TMEM255B: variants seen among roughly 807,000 people sequenced by gnomAD.
TMEM255B encodes the protein transmembrane protein 255B.
In TMEM255B, 35 loss-of-function variants were observed where a neutral mutation model predicts 34.5. The ratio of observed to expected loss-of-function variants is 1.01; its 90% CI spans 0.77 to 1.34. The LOEUF is 1.34. Among genes scored for constraint, TMEM255B ranks in the 40% most tolerant of loss-of-function variants. TMEM255B has a pLI of 0.00. For missense variants in TMEM255B, 432 were observed against 433.2 expected, an observed-to-expected ratio of 1.00 and a Z score of 0.02; for synonymous variants, 206 against 201.2, an observed-to-expected ratio of 1.02 and a Z score of -0.20.
Position 113,766,502 on chromosome 13 carries a change from C to T in TMEM255B, c.189+245C>T, listed in dbSNP as rs1385988892. The T allele has an allele frequency of 8.1e-6, 5 of 614,580 alleles. No individual in the cohort carries two copies. In the Admixed American group the frequency reaches 1.2e-4, roughly 14 times the overall value. The allele number at this position is 614,580 out of a possible 1,614,324, so 38.1% of individuals were successfully genotyped here. A position where few individuals can be genotyped will look rare whatever the true frequency, so the allele number is the denominator to read the frequency against. ...GGTCCAAGTTGATCTCAAAATAGGG[C>T]CAGGTGCCCTCCATTGTCTGGGTTG... On this transcript the variant is annotated intron_variant, in intron 2 of 8. Transcript: ENST00000375353.
chr13:113,800,764 C>T (rs1348183176), intron 5 of TMEM255B, 63 bp from the exon 6 acceptor site: 4 of 1,503,922 alleles, frequency 2.7e-6, no homozygotes, highest in Non-Finnish European at 3.6e-6. Flanking sequence ...CAGCCCTGCC[C>T]TTGGTGGGGT....
At chr13:113,766,450 T>C in intron 2 of TMEM255B, 193 bp downstream of exon 2, 1 of 816,780 alleles carries the variant, frequency 1.2e-6, no homozygotes, top group Non-Finnish European at 2.0e-6. Context: ...CAGTGGCAGG[T>C]CCAAGGCAGA....
intron 3 of TMEM255B, among the ~76,000 whole-genome samples, chr13:113,787,179 C>T (rs149941829): frequency 2.7e-4 from 41 of 152,346 alleles, no homozygotes; most frequent in Non-Finnish European, 5.6e-4. Flanking sequence ...GCTCCACAGT[C>T]AGCCACGTGC....
chr13:113,784,476 C>T (rs929735110), intron 3 of TMEM255B, among the ~76,000 whole-genome samples: 4 of 151,540 alleles, frequency 2.6e-5, no homozygotes, highest in Admixed American at 1.3e-4. Context: ...ATTGGCAAAG[C>T]GCCTCCCAGA....
At position 113,814,864 on chromosome 13, in the gene TMEM255B, G is replaced by T. The variant is rs1478551137; in HGVS notation, c.*2961G>T. On this transcript the variant is annotated 3_prime_UTR_variant, in exon 9 of 9. Transcript: ENST00000375353. ...GGTGGAGGGGATGGTGGGGCAGGGG[G>T]TGCTGGGGGGTTTGGGGGTGCTGTG... 1 of 147,610 alleles carries T rather than the reference G, an allele frequency of 6.8e-6. No individual in the cohort carries two copies. The highest frequency in any genetic ancestry group is 1.5e-5 in the Non-Finnish European group (1 of 66,876). 9.1% of individuals were successfully genotyped at this position (147,610 alleles called of 1,614,324 possible).
chr13:113,768,175 G>A (rs564545854), intron 2 of TMEM255B: 19 of 469,888 alleles, frequency 4.0e-5, no homozygotes, highest in South Asian at 2.5e-4. Context: ...AGTGCGACCG[G>A]CCCGGCGCAC....
At chr13:113,792,431 C>G (rs1273835315) in intron 3 of TMEM255B, among the ~76,000 whole-genome samples, 1 of 152,250 alleles carries the variant, frequency 6.6e-6, no homozygotes, top group Non-Finnish European at 1.5e-5. Flanking sequence ...CAGTGGGCCC[C>G]AGTCCCACCG....
chr13:113,809,928 G>T (rs1172728676), intron 8 of TMEM255B, among the ~76,000 whole-genome samples: 1 of 152,118 alleles, frequency 6.6e-6, no homozygotes, highest in Non-Finnish European at 1.5e-5. Flanking sequence ...TGAGTTTCGG[G>T]GGAAGAAAGA....
intron 3 of TMEM255B, among the ~76,000 whole-genome samples, chr13:113,787,011 C>T (rs1163808464): frequency 4.6e-5 from 7 of 152,170 alleles, no homozygotes; most frequent in African/African-American, 1.7e-4. Flanking sequence ...CAATGGGCCC[C>T]GTAAGGCACT....
chr13:113,766,336 C>CCCTG, intron 2 of TMEM255B, 79 bp downstream of exon 2: 2 of 1,594,578 alleles, frequency 1.3e-6, no homozygotes, highest in Non-Finnish European at 1.7e-6. Context: ...TCCACGCCAG[C>CCCTG]TCACAGGGCT....
At chr13:113,768,068 A>G in intron 2 of TMEM255B, 1 of 403,724 alleles carries the variant, frequency 2.5e-6, no homozygotes, top group Middle Eastern at 5.3e-4. Context: ...TTACATAAAG[A>G]AGTCCGGTTT....
At chr13:113,800,070 GTGTGTGTGTTTA>G (rs2051015636) in intron 5 of TMEM255B, 2 of 1,200,876 alleles carry the variant, frequency 1.7e-6, no homozygotes, top group Non-Finnish European at 2.1e-6. Flanking sequence ...CATCGTGTGT[GTGTGTGTGTTTA>G]TGTGTGTGTG....
intron 3 of TMEM255B, among the ~76,000 whole-genome samples, chr13:113,782,220 C>A (rs2050675087): frequency 6.6e-6 from 1 of 151,972 alleles, no homozygotes; most frequent in Non-Finnish European, 1.5e-5. Context: ...TATATAAAAC[C>A]TTTAAATAAG....
Position 113,811,886 on chromosome 13 carries a change from C to A in TMEM255B, c.964C>A (p.Pro322Thr), listed in dbSNP as rs747458917. 5 of 1,611,876 alleles carry A rather than the reference C, an allele frequency of 3.1e-6. No homozygotes were observed. Among genetic ancestry groups the A allele is most frequent in the Non-Finnish European group, 4.2e-6 (5 of 1,178,852 alleles). ...CTACTTTCCCCCGGGGGAGAAGCCACCCCCCTACGCACCCTGATAGAGGCG... is the reference window on the plus strand; with the variant it reads ...CTACTTTCCCCCGGGGGAGAAGCCAACCCCCTACGCACCCTGATAGAGGCG... The part of the protein sequence containing the change: ...PTYFPPGEKP[P>T]PYAP The change falls in exon 9 of 9, where the codon CCC (proline) becomes ACC (threonine). Residue 322 changes from proline (P) to threonine (T), a missense_variant. Pro to Thr is a conservative substitution (Grantham distance 38). Coordinates refer to ENST00000375353, the MANE Select transcript of TMEM255B (RefSeq NM_182614.4).
Position 113,812,073 on chromosome 13 carries a change from C to A in TMEM255B, c.*170C>A. 1 of 878,054 alleles carries A rather than the reference C, an allele frequency of 1.1e-6. No individual in the cohort carries two copies. The highest frequency in any genetic ancestry group is 1.7e-5 in the African/African-American group (1 of 58,156). The allele number at this position is 878,054 out of a possible 1,614,324, so 54.4% of individuals were successfully genotyped here. A position where few individuals can be genotyped will look rare whatever the true frequency, so the allele number is the denominator to read the frequency against. ...ACTGGTGAGGGAGGCTGGAACCAGG[C>A]AGGGAGTGGGGCCCTCCAGACCCAG... On this transcript the variant is annotated 3_prime_UTR_variant, in exon 9 of 9. Coordinates refer to ENST00000375353, the MANE Select transcript of TMEM255B (RefSeq NM_182614.4).
chr13:113,768,937 C>T (rs189018199), intron 2 of TMEM255B, 161 bp from the exon 3 acceptor site: 88 of 743,266 alleles, frequency 1.2e-4, no homozygotes, highest in Middle Eastern at 1.1e-3. Flanking sequence ...CGCCAGCAGA[C>T]GCACCTGCTG....
At chr13:113,795,293 T>G in intron 4 of TMEM255B, 56 bp downstream of exon 4, 4 of 1,550,828 alleles carry the variant, frequency 2.6e-6, no homozygotes, top group Non-Finnish European at 3.5e-6. Context: ...AGAGTCGACG[T>G]GAAAAAAGTA....
At chr13:113,761,111 G>A in intron 1 of TMEM255B, 1 of 903,130 alleles carries the variant, frequency 1.1e-6, no homozygotes, top group Non-Finnish European at 1.3e-6. Flanking sequence ...AGTGATTACA[G>A]TTTTACCTGG....
intron 4 of TMEM255B, among the ~76,000 whole-genome samples, chr13:113,798,539 G>GTGGATGGATAGAAGGATGGATGA (rs2050982975): frequency 6.6e-6 from 1 of 151,092 alleles, no homozygotes; most frequent in Admixed American, 6.6e-5. Context: ...GATGATGGAT[G>GTGGATGGATAGAAGGATGGATGA]TGGATGGATA....
Sources: gnomAD v4.1 joint callset for allele counts (sites outside exome capture counted in the v4.1 genomes callset) on GRCh38, gnomAD v4.1.1 for gene constraint, MANE v1.5 for transcripts, NCBI Gene and HGNC (gene_info 2026-07-23, HGNC 2026-07-21) for gene names.